CFAP70: variants seen among roughly 807,000 people sequenced by gnomAD.
CFAP70 encodes the protein cilia- and flagella-associated protein 70.
CFAP70 carries 81 observed loss-of-function variants against 137.6 expected under a neutral mutation model. That is an observed-to-expected ratio of 0.59 (90% CI 0.49 to 0.71). CFAP70 has a LOEUF of 0.71. Ranked by LOEUF, CFAP70 falls within the 30% of genes least tolerant of loss-of-function variation. CFAP70 has a pLI of 0.00. For synonymous variants in CFAP70, 382 were observed against 423.6 expected, an observed-to-expected ratio of 0.90 and a Z score of 1.20; for missense variants, 976 against 1,226.7, an observed-to-expected ratio of 0.80 and a Z score of 3.05.
At chr10:73,341,715 G>A in intron 5 of CFAP70, 134 bp from the exon 7 acceptor site, 1 of 737,214 alleles carries the variant, frequency 1.4e-6, no homozygotes. Flanking sequence ...TCTGATTCTA[G>A]AGAGGGGCCT....
chr10:73,253,948 G>T (rs764526740), exon 27 of CFAP70: 2 of 1,573,950 alleles, frequency 1.3e-6, no homozygotes, highest in South Asian at 2.3e-5. Flanking sequence ...AGAGTCCCAT[G>T]CAGAAAATTG....
chr10:73,352,759 G>A (rs1030247456), intron 3 of CFAP70, among the ~76,000 whole-genome samples: 9 of 152,016 alleles, frequency 5.9e-5, no homozygotes, highest in African/African-American at 1.2e-4. Context: ...TAATTAATGC[G>A]CTTAAGATTA....
At chr10:73,348,940 T>A (rs530259644) in intron 3 of CFAP70, among the ~76,000 whole-genome samples, 1 of 151,504 alleles carries the variant, frequency 6.6e-6, no homozygotes, top group Non-Finnish European at 1.5e-5. Flanking sequence ...CCCATGCCTG[T>A]AATCCCAGCT....
intron 14 of CFAP70, among the ~76,000 whole-genome samples, chr10:73,298,044 C>G (rs557561143): frequency 6.6e-6 from 1 of 152,180 alleles, no homozygotes; most frequent in African/African-American, 2.4e-5. Flanking sequence ...CTGTTTAGTA[C>G]AGTACAGGAC....
intron 21 of CFAP70, 139 bp downstream of exon 22, chr10:73,277,101 A>G (rs3812621): frequency 0.08 from 87,700 of 1,093,052 alleles, 5,525 homozygotes; most frequent in East Asian, 0.28. Context: ...TGTTCTTTCC[A>G]TTGGGCTTAA....
intron 12 of CFAP70, among the ~76,000 whole-genome samples, chr10:73,309,857 G>A (rs898936150): frequency 6.6e-6 from 1 of 151,568 alleles, no homozygotes; most frequent in African/African-American, 2.4e-5. Context: ...GGGTTTCACC[G>A]TGTTGCCCAG....
At chr10:73,307,908 G>A (rs1475137971) in intron 12 of CFAP70, among the ~76,000 whole-genome samples, 1 of 151,638 alleles carries the variant, frequency 6.6e-6, no homozygotes, top group Admixed American at 6.6e-5. Context: ...ACTTTGGGAG[G>A]CTGAGGCGGG....
intron 25 of CFAP70, among the ~76,000 whole-genome samples, chr10:73,258,383 A>C (rs1359395790): frequency 6.6e-6 from 1 of 152,250 alleles, no homozygotes; most frequent in East Asian, 1.9e-4. Flanking sequence ...TCACTTCCCC[A>C]ATCAATACTC....
upstream of CFAP70, chr10:73,358,853 C>T (rs996614011): frequency 6.6e-6 from 1 of 152,298 alleles, no homozygotes; most frequent in African/African-American, 2.4e-5. Flanking sequence ...GAGCGAGACG[C>T]TGAGCTTCTG....
Position 73,335,063 on chromosome 10 carries a change from T to C in CFAP70, c.677+367A>G, listed in dbSNP as rs59242434. On this transcript the variant is annotated intron_variant, in intron 7 of 26. Coordinates refer to ENST00000310715, the Ensembl canonical transcript of CFAP70. ...ACCAAACTAATTTCTTCTTCTTCTT[T>C]TTTTTTTTTTTTTTTTTGTGAGCCA... Among the ~76,000 whole-genome samples the C allele has an allele frequency of 5.4e-3, 645 of 118,476 alleles. 4 individuals carry two copies. Among genetic ancestry groups the C allele is most frequent in the Admixed American group, 6.7e-3 (83 of 12,316 alleles). The allele number at this position is 118,476 out of a possible 152,430, so 77.7% of individuals were successfully genotyped here. A position where few individuals can be genotyped will look rare whatever the true frequency, so the allele number is the denominator to read the frequency against.
intron 1 of CFAP70, among the ~76,000 whole-genome samples, chr10:73,355,734 C>T (rs1478956829): frequency 6.6e-6 from 1 of 152,162 alleles, no homozygotes; most frequent in Non-Finnish European, 1.5e-5. Context: ...GCTGAGATCA[C>T]ACCACTGAAC....
chr10:73,266,913 ATTTC>A (rs1211723709), intron 25 of CFAP70, among the ~76,000 whole-genome samples: 15 of 151,950 alleles, frequency 9.9e-5, no homozygotes, highest in African/African-American at 1.5e-4. Flanking sequence ...CTCAATTATC[ATTTC>A]TTTGAGTTTC....
At chr10:73,312,114 G>C (rs755515504) in intron 10 of CFAP70, among the ~76,000 whole-genome samples, 200 bp from the exon 12 acceptor site, 1 of 152,034 alleles carries the variant, frequency 6.6e-6, no homozygotes, top group Non-Finnish European at 1.5e-5. Flanking sequence ...ACCAAATACC[G>C]CATGTTCTCA....
At chr10:73,359,516 C>G (rs1289918487), upstream of CFAP70, among the ~76,000 whole-genome samples, 1 of 152,114 alleles carries the variant, frequency 6.6e-6, no homozygotes, top group Non-Finnish European at 1.5e-5. Context: ...ATGAAGTAAA[C>G]AACGACGATA....
intron 2 of CFAP70, among the ~76,000 whole-genome samples, chr10:73,354,195 A>C (rs1370706755): frequency 6.6e-6 from 1 of 152,236 alleles, no homozygotes; most frequent in African/African-American, 2.4e-5. Context: ...TATATTTTCT[A>C]GTGTTCTGCT....
chr10:73,336,766 T>C (rs544929704), intron 6 of CFAP70, among the ~76,000 whole-genome samples: 2 of 151,934 alleles, frequency 1.3e-5, no homozygotes, highest in South Asian at 4.2e-4. Flanking sequence ...TTTGTATTTT[T>C]TTTAGTAGAG....
chr10:73,316,515 A>G (rs963624008), intron 9 of CFAP70, among the ~76,000 whole-genome samples: 1 of 133,320 alleles, frequency 7.5e-6, no homozygotes, highest in African/African-American at 2.9e-5. Context: ...TATATATATG[A>G]CGTACACATA....
chr10:73,304,931 A>G (rs10762549), intron 12 of CFAP70, among the ~76,000 whole-genome samples: 152,201 of 152,264 alleles, frequency 1, 76,069 homozygotes, highest in Middle Eastern at 1. Flanking sequence ...TTACAGTAAC[A>G]AAGAGAATCT....
upstream of CFAP70, chr10:73,358,970 T>A: frequency 6.6e-6 from 1 of 152,376 alleles, no homozygotes; most frequent in Non-Finnish European, 1.5e-5. Context: ...GGTTTCCACC[T>A]TTACATTTTG....
Sources: gnomAD v4.1 joint callset for allele counts (sites outside exome capture counted in the v4.1 genomes callset) on GRCh38, gnomAD v4.1.1 for gene constraint, MANE v1.5 for transcripts, NCBI Gene and HGNC (gene_info 2026-07-23, HGNC 2026-07-21) for gene names.